TRPM4: variants seen among roughly 807,000 people sequenced by gnomAD.
TRPM4 encodes the protein calcium-activated non-selective cation channel 1.
TRPM4 carries 124 observed loss-of-function variants against 135.6 expected under a neutral mutation model. The ratio of observed to expected loss-of-function variants is 0.91; its 90% CI spans 0.79 to 1.06. TRPM4 has a LOEUF of 1.06. Ranked by LOEUF, TRPM4 falls within the 50% of genes least tolerant of loss-of-function variation. TRPM4 has a pLI of 0.00. For synonymous variants in TRPM4, 745 were observed against 705.6 expected, an observed-to-expected ratio of 1.06 and a Z score of -0.88; for missense variants, 1,658 against 1,671.4, an observed-to-expected ratio of 0.99 and a Z score of 0.14.
chr19:49,182,095 T>TCCAC lies in TRPM4; in HGVS notation c.1264-480_1264-479insCCCA, dbSNP rs1568470276. Among the ~76,000 whole-genome samples the TCCAC allele has an allele frequency of 8.9e-5, 6 of 67,768 alleles. 1 individual carries two copies. Among genetic ancestry groups the TCCAC allele is most frequent in the African/African-American group, 4.9e-4 (6 of 12,328 alleles). The allele number at this position is 67,768 out of a possible 152,430, so 44.5% of individuals were successfully genotyped here. A position where few individuals can be genotyped will look rare whatever the true frequency, so the allele number is the denominator to read the frequency against. On this transcript the variant is annotated intron_variant, in intron 10 of 24. Transcript: ENST00000252826. ...ATCCATCCATCCATCCATCCATCTGTCCATCCATCCATCCATCCATCCATC... is the reference window on the plus strand; with the variant it reads ...ATCCATCCATCCATCCATCCATCTGTCCACCCATCCATCCATCCATCCATCCATC...
At chr19:49,177,651 A>G (rs986917298) in intron 9 of TRPM4, among the ~76,000 whole-genome samples, 1 of 152,112 alleles carries the variant, frequency 6.6e-6, no homozygotes, top group African/African-American at 2.4e-5. Flanking sequence ...AGAGTCTAGC[A>G]TAGGCAGGCC....
intron 16 of TRPM4, among the ~76,000 whole-genome samples, chr19:49,192,809 A>G (rs1968460117): frequency 6.6e-6 from 1 of 152,152 alleles, no homozygotes; most frequent in East Asian, 1.9e-4. Flanking sequence ...AAACCTGCAC[A>G]TGTACCTCTG....
rs10695245 is a variant in TRPM4, at chr19:49,161,635, C to CT, written c.92+3388dup. On this transcript the variant is annotated intron_variant, in intron 2 of 24. Coordinates refer to ENST00000252826, the MANE Select transcript of TRPM4 (RefSeq NM_017636.4). ...CGAGAGCCACCATACCCGGCTACCTCTTTTTTTTTTTTGAGACGGAGTCTC... is the reference window on the plus strand; with the variant it reads ...CGAGAGCCACCATACCCGGCTACCTCTTTTTTTTTTTTTGAGACGGAGTCTC... Among the ~76,000 whole-genome samples the CT allele has an allele frequency of 3.7e-3, 531 of 145,386 alleles. 7 individuals carry two copies. The highest frequency in any genetic ancestry group is 5.0e-3 in the African/African-American group (197 of 39,538).
rs1251617121 is a variant in TRPM4, at chr19:49,211,409, T to G, written c.3641-85T>G. On this transcript the variant is annotated intron_variant, in intron 24 of 24. Coordinates refer to ENST00000252826, the MANE Select transcript of TRPM4 (RefSeq NM_017636.4). This position sits in a 1 kb window ranked among gnomAD's most constrained non-coding sequence, Gnocchi z 4.8. ...GCCTTTTGTACTCTCGCCTTCGTCTTTCTTCTTTTTTGCCAGTCTCCCAGT... is the reference window on the plus strand; with the variant it reads ...GCCTTTTGTACTCTCGCCTTCGTCTGTCTTCTTTTTTGCCAGTCTCCCAGT... The G allele has an allele frequency of 1.2e-6, 2 of 1,601,438 alleles. No individual in the cohort carries two copies. Among genetic ancestry groups the G allele is most frequent in the South Asian group, 1.1e-5 (1 of 90,344 alleles).
rs1005829535 is a variant in TRPM4, at chr19:49,181,463, T to G, written c.1263+2T>G. On this transcript the variant is annotated splice_donor_variant, in intron 10 of 24. Transcript: ENST00000252826. LOFTEE classifies it high-confidence loss of function. The stretch of plus-strand genomic sequence containing the variant: ...TTTCGGGGGGACATCCAATGGCGGG[T>G]GAGGGGTCAGGGCCTGGGGGTTGGG... The G allele has an allele frequency of 8.1e-6, 13 of 1,605,478 alleles. No individual in the cohort carries two copies. Among genetic ancestry groups the G allele is most frequent in the Non-Finnish European group, 1.1e-5 (13 of 1,176,486 alleles).
Position 49,200,283 on chromosome 19 carries a change from A to G in TRPM4, c.2646-17A>G, listed in dbSNP as rs116370720. 1.9e-5 allele frequency: 30 copies of G among 1,613,878 alleles called. No individual in the cohort carries two copies. The highest frequency in any genetic ancestry group is 2.5e-5 in the Non-Finnish European group (29 of 1,180,018). ...TCTTGTGACACTTGACCCTTGTGGC[A>G]TCTCCCCACACCCCAGGCTGACCCC... On this transcript the variant is annotated splice_polypyrimidine_tract_variant and intron_variant, in intron 17 of 24. Transcript: ENST00000252826.
intron 16 of TRPM4, among the ~76,000 whole-genome samples, chr19:49,192,566 A>G (rs1278298888): frequency 6.6e-6 from 1 of 152,196 alleles, no homozygotes; most frequent in Non-Finnish European, 1.5e-5. Flanking sequence ...TCCATAACAA[A>G]CTAACAGGAA....
Position 49,196,690 on chromosome 19 carries a change from G to A in TRPM4, c.2461G>A (p.Ala821Thr). The change falls in exon 17 of 25, where the codon GCT (alanine) becomes ACT (threonine). Residue 821 changes from alanine to threonine, a missense_variant. Ala to Thr is a moderately conservative substitution (Grantham distance 58). Coordinates refer to ENST00000252826, the MANE Select transcript of TRPM4 (RefSeq NM_017636.4). ...GSLELLLYFW[A>T]FTLLCEELRQ... is the part of the protein sequence containing the mutation. ...CCTGGAGCTGCTGCTCTATTTCTGG[G>A]CTTTCACGCTGCTGTGCGAGGAACT... 1 of 1,551,098 alleles carries A rather than the reference G, an allele frequency of 6.4e-7. No individual in the cohort carries two copies. Among genetic ancestry groups the A allele is most frequent in the Non-Finnish European group, 8.7e-7 (1 of 1,153,884 alleles).
In TRPM4 at chr19:49,204,021, C is replaced by G. The variant is rs547899744; in HGVS notation, c.3131+1880C>G. Among the ~76,000 whole-genome samples the G allele has an allele frequency of 3.3e-5, 5 of 152,246 alleles. No individual in the cohort carries two copies. In the South Asian group the frequency reaches 1.0e-3, roughly 32 times the overall value. On this transcript the variant is annotated intron_variant, in intron 20 of 24. Transcript: ENST00000252826. Reference sequence around the variant, plus strand: ...TGTAATTCCAGCTACTTGGGAGGCTCAGGCACGAGAGTCGCTTGAACCCAG... The same window carrying G: ...TGTAATTCCAGCTACTTGGGAGGCTGAGGCACGAGAGTCGCTTGAACCCAG...
intron 9 of TRPM4, among the ~76,000 whole-genome samples, chr19:49,172,391 C>T (rs1967496862): frequency 6.6e-6 from 1 of 152,178 alleles, no homozygotes. Context: ...TCTTTACCTA[C>T]CATCCTTCCA....
At chr19:49,194,160 C>T (rs1253949816) in intron 16 of TRPM4, among the ~76,000 whole-genome samples, 1 of 151,680 alleles carries the variant, frequency 6.6e-6, no homozygotes, top group Non-Finnish European at 1.5e-5. Flanking sequence ...CTTCATCCTC[C>T]TCCTCCTGCT....
chr19:49,165,535 G>C (rs1399772930), intron 2 of TRPM4, among the ~76,000 whole-genome samples: 2 of 152,144 alleles, frequency 1.3e-5, no homozygotes, highest in African/African-American at 2.4e-5. Context: ...TCTTTCCCTG[G>C]CTCCTCATAG....
intron 20 of TRPM4, among the ~76,000 whole-genome samples, chr19:49,206,442 T>C (rs1458120405): frequency 1.3e-5 from 2 of 151,544 alleles, no homozygotes. Flanking sequence ...TTCCTTTTTT[T>C]TTTTTCTTTT....
At chr19:49,169,541 G>A (rs942342875) in intron 6 of TRPM4, among the ~76,000 whole-genome samples, 22 of 150,642 alleles carry the variant, frequency 1.5e-4, no homozygotes, top group Admixed American at 1.1e-3. Flanking sequence ...TTGGCCTCCC[G>A]AAGTGCTGGG....
chr19:49,190,201 C>A lies in TRPM4; in HGVS notation c.2020-7C>A, dbSNP rs774026558. ...ATTTGGATCCTAATCCTTCCCACCC[C>A]CCACAGTCTCTGCTGACACAGAAGT... On this transcript the variant is annotated splice_region_variant and splice_polypyrimidine_tract_variant and intron_variant, in intron 14 of 24. Transcript: ENST00000252826. 3 of 1,612,988 alleles carry A rather than the reference C, an allele frequency of 1.9e-6. No homozygotes were observed. The African/African-American group carries it at 4.0e-5, about 22-fold the overall frequency.
Position 49,202,023 on chromosome 19 carries a change from G to C in TRPM4, c.3013G>C (p.Gly1005Arg). Residue 1005 changes from glycine (G) to arginine (R), a missense_variant, in exon 20 of 25, where the codon GGG becomes CGG. This residue lies in a region of TRPM4 where 1,412 missense variants were observed against 1,408.7 expected (regional missense o/e 1.00). Transcript: ENST00000252826. The stretch of plus-strand genomic sequence containing the variant: ...GCCCGGCTTCTGGGCACACCCTCCT[G>C]GGGCCCAGGCGGGCACCTGCGTCTC... ...SEPGFWAHPP[G>R]AQAGTCVSQY... is the part of the protein sequence containing the mutation. 1.9e-6 allele frequency: 3 copies of C among 1,613,910 alleles called. No individual in the cohort carries two copies. Among genetic ancestry groups the C allele is most frequent in the Non-Finnish European group, 2.5e-6 (3 of 1,180,038 alleles).
chr19:49,157,855 G>T lies in TRPM4; in HGVS notation c.-12G>T, dbSNP rs3760663. ...GCCCTGGGCTGCAGGAGGTTGCGGC[G>T]GCCGCGGCAGCATGGTGGTGCCGGA... On this transcript the variant is annotated 5_prime_UTR_variant, in exon 1 of 25. Transcript: ENST00000252826. The T allele has an allele frequency of 2.2e-5, 34 of 1,534,384 alleles. No homozygotes were observed. Among genetic ancestry groups the T allele is most frequent in the Non-Finnish European group, 2.5e-5 (29 of 1,146,284 alleles).
intron 13 of TRPM4, 65 bp downstream of exon 13, chr19:49,188,835 C>A: frequency 6.2e-7 from 1 of 1,612,778 alleles, no homozygotes; most frequent in Admixed American, 1.7e-5. Context: ...TGTGCAACTC[C>A]GCACTCCTCA....
intron 14 of TRPM4, 58 bp downstream of exon 14, chr19:49,189,149 G>T (rs1968315847): frequency 5.0e-6 from 8 of 1,610,492 alleles, no homozygotes; most frequent in Non-Finnish European, 6.8e-6. Context: ...TGGGAAGTAT[G>T]GGGATGAGCC....
Sources: allele counts gnomAD v4.1 joint callset (sites outside exome capture counted in the v4.1 genomes callset), GRCh38; gene constraint gnomAD v4.1.1; regional missense constraint gnomAD v4.1.1; non-coding constraint Gnocchi (gnomAD v3.1); transcripts MANE v1.5; gene names NCBI Gene and HGNC (gene_info 2026-07-23, HGNC 2026-07-21).